AGBL4: variants seen among roughly 807,000 people sequenced by gnomAD.
The protein encoded by AGBL4 is cytosolic carboxypeptidase 6.
A neutral mutation model predicts 66.4 loss-of-function variants in AGBL4; 58 were observed. The observed-to-expected ratio is 0.87, with a 90% CI of 0.71 to 1.09. The LOEUF (loss-of-function observed/expected upper bound fraction) is 1.09, where lower values mean the gene tolerates loss of function less well. Among genes scored for constraint, AGBL4 ranks in the 50% least tolerant of loss-of-function variants. The pLI is 0.00. For synonymous variants in AGBL4, 234 were observed against 222.9 expected, an observed-to-expected ratio of 1.05 and a Z score of -0.44; for missense variants, 579 against 631.0, an observed-to-expected ratio of 0.92 and a Z score of 0.88.
chr1:49,756,537 T>C (rs1291545538), intron 2 of AGBL4, among the ~76,000 whole-genome samples: 1 of 152,228 alleles, frequency 6.6e-6, no homozygotes, highest in Non-Finnish European at 1.5e-5. Context: ...TAGGTAGCAG[T>C]AGAAGACTTA....
intron 1 of AGBL4, among the ~76,000 whole-genome samples, chr1:49,877,162 T>C (rs79349627): frequency 0.91 from 137,768 of 151,102 alleles, 63,099 homozygotes; most frequent in African/African-American, 0.98. Flanking sequence ...CCGTCTCCTG[T>C]GTGATTGCCC....
At chr1:49,693,384 A>G (rs533740687) in intron 3 of AGBL4, among the ~76,000 whole-genome samples, 78 of 152,292 alleles carry the variant, frequency 5.1e-4, no homozygotes, top group African/African-American at 1.7e-3. Flanking sequence ...TTTATGACCA[A>G]GAATAAAGAG....
intron 11 of AGBL4, among the ~76,000 whole-genome samples, chr1:48,563,381 G>C (rs1459550118): frequency 6.6e-6 from 1 of 152,158 alleles, no homozygotes; most frequent in Non-Finnish European, 1.5e-5. Flanking sequence ...TAACCACTGG[G>C]CAGAGACTGG....
intron 4 of AGBL4, among the ~76,000 whole-genome samples, chr1:49,052,935 C>T (rs757294715): frequency 6.6e-6 from 1 of 152,096 alleles, no homozygotes; most frequent in Non-Finnish European, 1.5e-5. Flanking sequence ...AGGCTGTAAT[C>T]GATTTCCATT....
At chr1:49,448,387 G>T (rs1646205809) in intron 3 of AGBL4, among the ~76,000 whole-genome samples, 1 of 152,010 alleles carries the variant, frequency 6.6e-6, no homozygotes, top group Admixed American at 6.6e-5. Context: ...CTGTCAGCAG[G>T]GTTCCATTCT....
chr1:48,676,235 C>T (rs1023843700), intron 6 of AGBL4, among the ~76,000 whole-genome samples: 1 of 152,240 alleles, frequency 6.6e-6, no homozygotes, highest in Non-Finnish European at 1.5e-5. Context: ...TTCAGTCCTA[C>T]CTTCCACCTT....
intron 10 of AGBL4, 125 bp downstream of exon 10, chr1:48,590,708 A>T: frequency 1.8e-6 from 2 of 1,110,518 alleles, no homozygotes; most frequent in East Asian, 5.2e-5. Context: ...TTCATCACCC[A>T]CACAATACCT....
intron 1 of AGBL4, among the ~76,000 whole-genome samples, chr1:49,855,103 G>A (rs1646400566): frequency 1.3e-5 from 2 of 152,044 alleles, no homozygotes; most frequent in South Asian, 4.1e-4. Context: ...CTTTTCTTTA[G>A]AAATCACCCA....
chr1:49,980,982 T>C (rs970166162), intron 1 of AGBL4, among the ~76,000 whole-genome samples: 2 of 152,224 alleles, frequency 1.3e-5, no homozygotes, highest in Non-Finnish European at 2.9e-5. Flanking sequence ...ACCAGGTTTA[T>C]TTATGTCATT....
intron 6 of AGBL4, among the ~76,000 whole-genome samples, chr1:48,751,678 T>C (rs1246294274): frequency 1.3e-5 from 2 of 152,174 alleles, no homozygotes; most frequent in Non-Finnish European, 2.9e-5. Context: ...CATGGCAATA[T>C]GGAAGGCAAA....
intron 1 of AGBL4, among the ~76,000 whole-genome samples, chr1:49,866,721 G>A (rs1168330196): frequency 6.6e-6 from 1 of 151,944 alleles, no homozygotes; most frequent in Non-Finnish European, 1.5e-5. Context: ...CCGAGATCAC[G>A]CCATTGCACT....
At chr1:49,114,412 T>C (rs1037914111) in intron 4 of AGBL4, among the ~76,000 whole-genome samples, 1 of 152,232 alleles carries the variant, frequency 6.6e-6, no homozygotes, top group Non-Finnish European at 1.5e-5. Context: ...TAAGGAAATG[T>C]TGTGGCTGGT....
At chr1:49,190,283 A>G (rs1202219679) in intron 4 of AGBL4, among the ~76,000 whole-genome samples, 3 of 152,226 alleles carry the variant, frequency 2.0e-5, no homozygotes, top group African/African-American at 7.2e-5. Flanking sequence ...AGGTCTCACA[A>G]AATAATCTAT....
intron 5 of AGBL4, among the ~76,000 whole-genome samples, chr1:48,922,993 T>C (rs1300913913): frequency 6.6e-6 from 1 of 151,230 alleles, no homozygotes; most frequent in Non-Finnish European, 1.5e-5. Context: ...GTAGTTATCT[T>C]TGCATTTAAG....
chr1:49,934,896 C>A (rs552202121), intron 1 of AGBL4, among the ~76,000 whole-genome samples: 15 of 152,100 alleles, frequency 9.9e-5, no homozygotes, highest in African/African-American at 3.4e-4. Context: ...CAGCTCCCAA[C>A]GTGAGCGATA....
At chr1:48,803,310 G>A (rs1424881150) in intron 6 of AGBL4, among the ~76,000 whole-genome samples, 1 of 152,190 alleles carries the variant, frequency 6.6e-6, no homozygotes. Context: ...GCATTGAAAA[G>A]AGCCTTGGGA....
chr1:49,600,611 T>C (rs908220871), intron 3 of AGBL4, among the ~76,000 whole-genome samples: 1 of 152,212 alleles, frequency 6.6e-6, no homozygotes, highest in African/African-American at 2.4e-5. Flanking sequence ...CCATTTACAT[T>C]TAAGGTTAAT....
intron 6 of AGBL4, among the ~76,000 whole-genome samples, chr1:48,833,576 G>A (rs537440506): frequency 9.2e-5 from 14 of 152,272 alleles, no homozygotes; most frequent in South Asian, 2.1e-4. Flanking sequence ...GAGAACATAT[G>A]TTTAGAAGAG....
At chr1:49,624,633 C>A (rs887054733) in intron 3 of AGBL4, among the ~76,000 whole-genome samples, 2 of 152,126 alleles carry the variant, frequency 1.3e-5, no homozygotes, top group Admixed American at 6.5e-5. Context: ...CTTCCTGCTA[C>A]CTGACATTGG....
Sources: gnomAD v4.1 joint callset for allele counts (sites outside exome capture counted in the v4.1 genomes callset) on GRCh38, gnomAD v4.1.1 for gene constraint, MANE v1.5 for transcripts, NCBI Gene and HGNC (gene_info 2026-07-23, HGNC 2026-07-21) for gene names.